AKAP6: variants seen among roughly 807,000 people sequenced by gnomAD.
AKAP6 encodes A-kinase anchoring protein 6, also known as A-kinase anchor protein 6.
AKAP6 carries 58 observed loss-of-function variants against 188.5 expected under a neutral mutation model. The observed-to-expected ratio is 0.31, with a 90% CI of 0.25 to 0.38. The LOEUF is 0.38. AKAP6 is among the 10% of genes least tolerant of loss of function. AKAP6 has a pLI of 1.00. For missense variants in AKAP6, 2,710 were observed against 2,740.0 expected (o/e 0.99, Z 0.24); for synonymous variants, 989 against 998.6 (o/e 0.99, Z 0.18).
intron 1 of AKAP6, among the ~76,000 whole-genome samples, chr14:32,347,424 C>A (rs894489692): frequency 6.6e-6 from 1 of 152,152 alleles, no homozygotes; most frequent in Admixed American, 6.6e-5. Flanking sequence ...TGTATTGTTG[C>A]CTGACACACA....
intron 12 of AKAP6, among the ~76,000 whole-genome samples, chr14:32,814,017 C>A (rs560724169): frequency 1.3e-5 from 2 of 151,954 alleles, no homozygotes; most frequent in African/African-American, 2.4e-5. Context: ...TGTTCTCCTT[C>A]CAAGACTGGT....
intron 6 of AKAP6, among the ~76,000 whole-genome samples, chr14:32,600,080 G>A (rs993533304): frequency 6.6e-6 from 1 of 152,154 alleles, no homozygotes; most frequent in Admixed American, 6.6e-5. Context: ...TACTTATCCT[G>A]ATAATAGAAG....
In AKAP6 at chr14:32,685,539, A is replaced by G. The variant is rs555466760; in HGVS notation, c.2879+7080A>G. Among the ~76,000 whole-genome samples, 5 of 152,050 alleles carry G rather than the reference A, an allele frequency of 3.3e-5. No individual in the cohort carries two copies. The East Asian group carries it at 7.8e-4, about 24-fold the overall frequency. ...GGAGATCGAGACCATCCTGGCCAAC[A>G]TGGTGAAACCCCATCTCTACTAAAC... On this transcript the variant is annotated intron_variant, in intron 8 of 13. Coordinates refer to ENST00000280979, the MANE Select transcript of AKAP6 (RefSeq NM_004274.5).
At chr14:32,636,993 G>A (rs984390723) in intron 7 of AKAP6, among the ~76,000 whole-genome samples, 30 of 152,154 alleles carry the variant, frequency 2.0e-4, no homozygotes, top group Admixed American at 1.8e-3. Context: ...AAGCAGTAAC[G>A]CTGACAATAT....
intron 1 of AKAP6, among the ~76,000 whole-genome samples, chr14:32,398,675 G>A (rs1441693731): frequency 6.6e-6 from 1 of 151,840 alleles, no homozygotes; most frequent in African/African-American, 2.4e-5. Flanking sequence ...TCAAACTGTA[G>A]GCCTTTATAG....
At chr14:32,340,110 AC>A (rs1359493935) in intron 1 of AKAP6, among the ~76,000 whole-genome samples, 1 of 151,994 alleles carries the variant, frequency 6.6e-6, no homozygotes, top group Non-Finnish European at 1.5e-5. Context: ...TTCTGGTTAT[AC>A]CATAATCATA....
intron 12 of AKAP6, among the ~76,000 whole-genome samples, chr14:32,808,758 TTATC>T (rs751742409): frequency 7.6e-4 from 115 of 152,196 alleles, no homozygotes; most frequent in Admixed American, 2.0e-3. Context: ...TTGTTTCTCT[TTATC>T]TATATGACAT....
At chr14:32,713,987 G>C (rs1305883262) in intron 9 of AKAP6, among the ~76,000 whole-genome samples, 1 of 151,960 alleles carries the variant, frequency 6.6e-6, no homozygotes, top group African/African-American at 2.4e-5. Flanking sequence ...GCTATTTCTA[G>C]CTTTTCATTT....
At chr14:32,595,541 C>G (rs1450039932) in intron 5 of AKAP6, among the ~76,000 whole-genome samples, 1 of 152,064 alleles carries the variant, frequency 6.6e-6, no homozygotes, top group South Asian at 2.1e-4. Flanking sequence ...CACAGTCTTG[C>G]TCTATTGCCC....
At chr14:32,449,208 A>G (rs578016529) in intron 2 of AKAP6, among the ~76,000 whole-genome samples, 1 of 152,324 alleles carries the variant, frequency 6.6e-6, no homozygotes, top group Non-Finnish European at 1.5e-5. Context: ...ACTTCCATTT[A>G]CATCAAGAAT....
At position 32,535,733 on chromosome 14, in the gene AKAP6, T is replaced by C. The variant is rs761552830; in HGVS notation, c.504T>C (p.Gly168=). ...VLVLRERILQ[G]LQDANGNYTR... is the part of the protein sequence containing the mutation. ...TTCTGCGGGAGCGCATTCTGCAAGGTCTGCAGGACGCCAATGGCAACTACA... is the reference window on the plus strand; with the variant it reads ...TTCTGCGGGAGCGCATTCTGCAAGGCCTGCAGGACGCCAATGGCAACTACA... The change falls in exon 3 of 14, where the codon GGT becomes GGC. Residue 168 remains glycine (G), a synonymous_variant. Transcript: ENST00000280979. 1 of 1,614,228 alleles carries C rather than the reference T, an allele frequency of 6.2e-7. No homozygotes were observed.
chr14:32,344,371 A>G (rs10130788), intron 1 of AKAP6, among the ~76,000 whole-genome samples: 6,156 of 152,304 alleles, frequency 0.04, 381 homozygotes, highest in African/African-American at 0.13. Flanking sequence ...GATTGTGCAG[A>G]ACATACGTAG....
At chr14:32,647,496 C>T (rs1888033207) in intron 7 of AKAP6, among the ~76,000 whole-genome samples, 1 of 152,060 alleles carries the variant, frequency 6.6e-6, no homozygotes, top group Non-Finnish European at 1.5e-5. Flanking sequence ...ATACATCCTA[C>T]CCTTTTCCCT....
intron 7 of AKAP6, among the ~76,000 whole-genome samples, chr14:32,650,431 G>A (rs1445623950): frequency 2.6e-5 from 4 of 151,950 alleles, no homozygotes; most frequent in African/African-American, 7.3e-5. Flanking sequence ...TGACCAACAC[G>A]GTGAAACTCC....
At chr14:32,615,992 A>G (rs1458939081) in intron 7 of AKAP6, among the ~76,000 whole-genome samples, 2 of 152,176 alleles carry the variant, frequency 1.3e-5, no homozygotes, top group African/African-American at 2.4e-5. Context: ...TTCCCTCATG[A>G]CTTCTTGGTT....
At chr14:32,496,549 G>C (rs2138966091) in intron 2 of AKAP6, among the ~76,000 whole-genome samples, 1 of 151,880 alleles carries the variant, frequency 6.6e-6, no homozygotes, top group South Asian at 2.1e-4. Context: ...TTTCTGGAGA[G>C]AAGGGTCATG....
chr14:32,424,265 T>C (rs1889955855), intron 1 of AKAP6, among the ~76,000 whole-genome samples: 1 of 152,110 alleles, frequency 6.6e-6, no homozygotes, highest in Admixed American at 6.6e-5. Context: ...AACATGGCAT[T>C]CTCATCCCTC....
chr14:32,529,949 T>C (rs985005496), intron 2 of AKAP6, among the ~76,000 whole-genome samples: 7 of 147,140 alleles, frequency 4.8e-5, no homozygotes, highest in East Asian at 2.0e-4. Flanking sequence ...ATGGTGAACA[T>C]ATGGGTAAAG....
intron 1 of AKAP6, among the ~76,000 whole-genome samples, chr14:32,380,828 C>T (rs2138550544): frequency 6.6e-6 from 1 of 152,314 alleles, no homozygotes; most frequent in Non-Finnish European, 1.5e-5. Context: ...TGCTTTAGAA[C>T]TTCGACTTCT....
Sources: gnomAD v4.1 joint callset for allele counts (sites outside exome capture counted in the v4.1 genomes callset) on GRCh38, gnomAD v4.1.1 for gene constraint, MANE v1.5 for transcripts, NCBI Gene and HGNC (gene_info 2026-07-23, HGNC 2026-07-21) for gene names.